The following TTC28 variants were observed in gnomAD, a reference collection of about 807,000 sequenced individuals.
The protein encoded by TTC28 is tetratricopeptide repeat protein 28.
Under a neutral mutation model 198.0 loss-of-function variants are expected in TTC28, and 61 were observed. The ratio of observed to expected loss-of-function variants is 0.31; its 90% CI spans 0.25 to 0.38. The LOEUF (loss-of-function observed/expected upper bound fraction) is 0.38. Among genes scored for constraint, TTC28 ranks in the 10% least tolerant of loss-of-function variants. The pLI, the probability that TTC28 is intolerant of heterozygous loss-of-function variation, is 1.00. For synonymous variants in TTC28, 1,171 were observed against 1,297.8 expected (o/e 0.90, Z 2.10); for missense variants, 2,678 against 3,164.0 (o/e 0.85, Z 3.69).
At chr22:28,001,825 CAAG>C (rs1937708635) in intron 14 of TTC28, 1 of 474,984 alleles carries the variant, frequency 2.1e-6, no homozygotes, top group African/African-American at 1.9e-5. Flanking sequence ...TTGAAGTTCA[CAAG>C]AACCTGAAGT....
At chr22:28,679,598 G>T (rs762596495) in intron 1 of TTC28, 24 bp downstream of exon 1, 48 of 1,425,308 alleles carry the variant, frequency 3.4e-5, no homozygotes, top group Non-Finnish European at 1.9e-6. Context: ...AAAGTCTCCC[G>T]GCCCGAGCCC....
intron 12 of TTC28, among the ~76,000 whole-genome samples, chr22:28,080,047 G>A (rs1021267305): frequency 2.8e-4 from 43 of 152,230 alleles, no homozygotes; most frequent in African/African-American, 9.6e-4. Context: ...TCTTTTTTAA[G>A]GCTGAGTAAT....
At chr22:28,126,798 C>T (rs1031061001) in intron 6 of TTC28, among the ~76,000 whole-genome samples, 7 of 152,170 alleles carry the variant, frequency 4.6e-5, no homozygotes, top group African/African-American at 1.7e-4. Flanking sequence ...CTTCTCAGAG[C>T]CCTTCATATA....
chr22:28,167,201 G>A (rs781347631), intron 5 of TTC28, among the ~76,000 whole-genome samples: 2 of 151,986 alleles, frequency 1.3e-5, no homozygotes, highest in Non-Finnish European at 2.9e-5. Context: ...GCCAAGAAAA[G>A]GTCCAGGACC....
At chr22:28,579,499 TTATA>T (rs1287025980) in intron 2 of TTC28, among the ~76,000 whole-genome samples, 1 of 148,708 alleles carries the variant, frequency 6.7e-6, no homozygotes, top group Admixed American at 6.8e-5. Context: ...ATATGTATAG[TTATA>T]TATAGTTATA....
chr22:28,548,265 C>A (rs1308045123), intron 2 of TTC28, among the ~76,000 whole-genome samples: 2 of 152,126 alleles, frequency 1.3e-5, no homozygotes, highest in African/African-American at 4.8e-5. Context: ...TGAGCATGAA[C>A]CCTTCTCTAA....
intron 6 of TTC28, among the ~76,000 whole-genome samples, chr22:28,156,378 A>G (rs1943749138): frequency 6.6e-6 from 1 of 152,208 alleles, no homozygotes; most frequent in Admixed American, 6.5e-5. Flanking sequence ...GCAAAGAAAT[A>G]TATTCTCCTC....
intron 2 of TTC28, among the ~76,000 whole-genome samples, chr22:28,557,792 G>C (rs1258518424): frequency 6.6e-6 from 1 of 152,218 alleles, no homozygotes; most frequent in Non-Finnish European, 1.5e-5. Context: ...CCTTCAGAGA[G>C]AGAATTTATA....
intron 2 of TTC28, among the ~76,000 whole-genome samples, chr22:28,351,205 C>T (rs2045991162): frequency 6.6e-6 from 1 of 152,000 alleles, no homozygotes; most frequent in African/African-American, 2.4e-5. Context: ...AGAAACACTT[C>T]TCCAGAGCTA....
chr22:28,393,863 CCCA>C (rs2046773329), intron 2 of TTC28, among the ~76,000 whole-genome samples: 1 of 152,070 alleles, frequency 6.6e-6, no homozygotes, highest in African/African-American at 2.4e-5. Context: ...TCCTTCTGTG[CCCA>C]CCTTAATGGC....
chr22:28,326,921 T>C (rs1460295487), intron 2 of TTC28, among the ~76,000 whole-genome samples: 1 of 151,850 alleles, frequency 6.6e-6, no homozygotes, highest in Admixed American at 6.6e-5. Flanking sequence ...TAAAGGCGTT[T>C]TTAAAAGTAA....
chr22:28,095,025 T>C (rs914148963), intron 11 of TTC28, among the ~76,000 whole-genome samples: 5 of 152,126 alleles, frequency 3.3e-5, no homozygotes, highest in Admixed American at 2.0e-4. Context: ...AATTCCGATA[T>C]ACCACCTGTC....
intron 2 of TTC28, among the ~76,000 whole-genome samples, chr22:28,534,865 G>A (rs1169491470): frequency 6.7e-6 from 1 of 149,898 alleles, no homozygotes; most frequent in Non-Finnish European, 1.5e-5. Flanking sequence ...TGAACAATGA[G>A]AACACTTGGA....
chr22:28,035,624 C>T (rs924494234), intron 12 of TTC28, among the ~76,000 whole-genome samples: 1 of 152,126 alleles, frequency 6.6e-6, no homozygotes, highest in Non-Finnish European at 1.5e-5. Context: ...CTGCCAATAC[C>T]TGAAAAGGCC....
intron 16 of TTC28, 109 bp downstream of exon 16, chr22:27,998,431 G>GCCTTGC: frequency 1.4e-6 from 2 of 1,439,674 alleles, no homozygotes; most frequent in Non-Finnish European, 1.8e-6. Flanking sequence ...TCTGTGGCTG[G>GCCTTGC]CCTTGCCCTG....
Position 28,096,200 on chromosome 22 carries a change from A to G in TTC28, c.3756T>C (p.Ala1252=). The G allele has an allele frequency of 6.5e-7, 1 of 1,544,108 alleles. No homozygotes were observed. Among genetic ancestry groups the G allele is most frequent in the Non-Finnish European group, 8.8e-7 (1 of 1,141,742 alleles). Residue 1252 remains alanine (A), a synonymous_variant, in exon 11 of 23, where the codon GCT becomes GCC. Transcript: ENST00000397906. ...AAGYLYSWLL[A]PGAGIVKFHE... Reference sequence around the variant, plus strand: ...AGAAAGAGATCTTACCTGCCCCAGGAGCCAGCAGCCAGCTATACAGATAGC... The same window carrying G: ...AGAAAGAGATCTTACCTGCCCCAGGGGCCAGCAGCCAGCTATACAGATAGC...
intron 5 of TTC28, among the ~76,000 whole-genome samples, chr22:28,256,104 A>G (rs1477964363): frequency 6.6e-6 from 1 of 151,826 alleles, no homozygotes; most frequent in Non-Finnish European, 1.5e-5. Flanking sequence ...AAGGGGACAC[A>G]AGGTTGAGGC....
intron 2 of TTC28, among the ~76,000 whole-genome samples, chr22:28,363,712 C>G (rs903442486): frequency 2.0e-5 from 3 of 152,192 alleles, no homozygotes; most frequent in Non-Finnish European, 2.9e-5. Context: ...ATTATGGGAA[C>G]TCTTGCATCA....
At chr22:28,135,328 A>G (rs977841786) in intron 6 of TTC28, among the ~76,000 whole-genome samples, 1 of 152,228 alleles carries the variant, frequency 6.6e-6, no homozygotes, top group East Asian at 1.9e-4. Context: ...TTTATATTAT[A>G]ATAGGATTAT....
Sources: gnomAD v4.1 joint callset for allele counts (sites outside exome capture counted in the v4.1 genomes callset) on GRCh38, gnomAD v4.1.1 for gene constraint, MANE v1.5 for transcripts, NCBI Gene and HGNC (gene_info 2026-07-23, HGNC 2026-07-21) for gene names.